The following GALK2 variants were observed in gnomAD, a reference collection of about 807,000 sequenced individuals.
GALK2 encodes the protein N-acetylgalactosamine kinase.
A neutral mutation model predicts 52.4 loss-of-function variants in GALK2; 36 were observed. The ratio of observed to expected loss-of-function variants is 0.69; its 90% CI spans 0.53 to 0.91. The LOEUF is 0.91. Ranked by LOEUF, GALK2 falls within the 40% of genes least tolerant of loss-of-function variation. The pLI is 0.00. For synonymous variants in GALK2, 176 were observed against 199.1 expected (o/e 0.88, Z 0.98); for missense variants, 579 against 559.1 (o/e 1.04, Z -0.36).
chr15:49,219,571 G>T (rs1275062930), intron 3 of GALK2, among the ~76,000 whole-genome samples: 1 of 152,186 alleles, frequency 6.6e-6, no homozygotes, highest in East Asian at 1.9e-4. Context: ...CATTTTGGGA[G>T]GCTGAGGTGG....
At chr15:49,156,924 ATTATG>A (rs996736328) in intron 1 of GALK2, 28 of 396,172 alleles carry the variant, frequency 7.1e-5, no homozygotes, top group African/African-American at 5.5e-4. Context: ...TGCATATTAA[ATTATG>A]TTAATTACCA....
At chr15:49,339,205 G>A (rs2040288214) in intron 3 of GALK2, among the ~76,000 whole-genome samples, 1 of 152,152 alleles carries the variant, frequency 6.6e-6, no homozygotes. Context: ...TAGCAGAGAA[G>A]AGGCATTCTG....
intron 1 of GALK2, among the ~76,000 whole-genome samples, chr15:49,158,183 T>C (rs1404500479): frequency 6.6e-6 from 1 of 152,136 alleles, no homozygotes; most frequent in East Asian, 1.9e-4. Context: ...ATATTGGGGT[T>C]ATCAGTGTGC....
chr15:49,227,526 G>C (rs1344674967), intron 3 of GALK2, among the ~76,000 whole-genome samples: 1 of 151,348 alleles, frequency 6.6e-6, no homozygotes, highest in Non-Finnish European at 1.5e-5. Flanking sequence ...GTTTTTTTCA[G>C]ATGAAAAGAG....
intron 8 of GALK2, among the ~76,000 whole-genome samples, chr15:49,295,461 G>A (rs867298706): frequency 1.3e-5 from 2 of 151,998 alleles, no homozygotes; most frequent in Middle Eastern, 3.2e-3. Context: ...ATTAGATTTG[G>A]GGGTTATTGT....
intron 7 of GALK2, among the ~76,000 whole-genome samples, chr15:49,285,865 T>G (rs986090453): frequency 1.3e-5 from 2 of 152,156 alleles, no homozygotes; most frequent in African/African-American, 2.4e-5. Context: ...CCTATTTCGT[T>G]GGAATAAAGT....
chr15:49,325,836 T>C (rs910234390), intron 9 of GALK2, among the ~76,000 whole-genome samples: 1 of 152,220 alleles, frequency 6.6e-6, no homozygotes, highest in African/African-American at 2.4e-5. Context: ...CAAATATCTT[T>C]ACCTACAAAG....
intron 3 of GALK2, among the ~76,000 whole-genome samples, chr15:49,231,482 A>G (rs759917840): frequency 3.3e-5 from 5 of 152,118 alleles, no homozygotes; most frequent in Non-Finnish European, 7.4e-5. Context: ...AGTCTCAGGT[A>G]CTCACATTCC....
intron 4 of GALK2, among the ~76,000 whole-genome samples, chr15:49,238,474 A>C (rs2090939068): frequency 6.6e-6 from 1 of 152,232 alleles, no homozygotes; most frequent in Non-Finnish European, 1.5e-5. Flanking sequence ...CCATATGGCT[A>C]AACTGTATCT....
intron 1 of GALK2, among the ~76,000 whole-genome samples, chr15:49,172,878 T>G (rs145099664): frequency 0.011 from 1,654 of 152,344 alleles, 28 homozygotes; most frequent in African/African-American, 0.038. Context: ...TGTTGGATTA[T>G]TGCTATTTTT....
intron 4 of GALK2, among the ~76,000 whole-genome samples, chr15:49,238,489 A>G (rs746925851): frequency 2.6e-5 from 4 of 152,194 alleles, no homozygotes; most frequent in Non-Finnish European, 5.9e-5. Flanking sequence ...GTATCTATAA[A>G]CTGTAGTAAG....
rs116236284 is a variant in GALK2, at chr15:49,366,210, T to G, written c.427-1281T>G. 6.5e-4 allele frequency: 512 copies of G among 793,558 alleles called. 4 individuals are homozygous for G. In the African/African-American group the frequency reaches 8.0e-3, roughly 12 times the overall value. 49.2% of individuals were successfully genotyped at this position (793,558 alleles called of 1,614,324 possible). On this transcript the variant is annotated intron_variant, in intron 3 of 3. Transcript: ENST00000558399. The stretch of plus-strand genomic sequence containing the variant: ...TTAGGCCACGATGGAGAACACATTT[T>G]CACAGTAATGTTATTTCCTAGAGTC...
intron 3 of GALK2, among the ~76,000 whole-genome samples, chr15:49,233,572 T>C (rs749432973): frequency 5.3e-5 from 8 of 152,200 alleles, no homozygotes; most frequent in Admixed American, 1.3e-4. Flanking sequence ...GTTTTTCTTT[T>C]CTTAGTGACT....
At chr15:49,333,605 A>C (rs1226153525), downstream of GALK2, among the ~76,000 whole-genome samples, 3 of 152,204 alleles carry the variant, frequency 2.0e-5, no homozygotes, top group African/African-American at 7.2e-5. Context: ...AAGATCCTAA[A>C]GTAGTGGGTT....
intron 5 of GALK2, among the ~76,000 whole-genome samples, chr15:49,265,844 A>T (rs1170966284): frequency 2.0e-5 from 3 of 152,234 alleles, no homozygotes; most frequent in African/African-American, 7.2e-5. Context: ...AGTTTTTAAG[A>T]TTCTTGCTAG....
intron 4 of GALK2, among the ~76,000 whole-genome samples, chr15:49,237,666 G>A (rs997214562): frequency 2.6e-5 from 4 of 151,692 alleles, no homozygotes; most frequent in African/African-American, 9.7e-5. Context: ...TAGTAGAGAC[G>A]GGGTTTCACT....
chr15:49,207,219 T>C (rs530375799), intron 2 of GALK2, among the ~76,000 whole-genome samples: 2 of 152,344 alleles, frequency 1.3e-5, no homozygotes, highest in East Asian at 1.9e-4. Flanking sequence ...CTTTTTGATA[T>C]ATTGTTGGAT....
intron 8 of GALK2, among the ~76,000 whole-genome samples, chr15:49,293,407 T>C (rs769624613): frequency 1.3e-5 from 2 of 152,252 alleles, no homozygotes; most frequent in African/African-American, 2.4e-5. Context: ...ATTGAGTCTT[T>C]AGAACCAGAA....
chr15:49,164,780 C>CAAAAAAAAAAAA (rs36107125), intron 1 of GALK2, among the ~76,000 whole-genome samples: 1 of 65,182 alleles, frequency 1.5e-5, no homozygotes, highest in Non-Finnish European at 2.9e-5. Flanking sequence ...AACTCCGTCT[C>CAAAAAAAAAAAA]AAAAAAAAAA....
Sources: gnomAD v4.1 joint callset for allele counts (sites outside exome capture counted in the v4.1 genomes callset) on GRCh38, gnomAD v4.1.1 for gene constraint, MANE v1.5 for transcripts, NCBI Gene and HGNC (gene_info 2026-07-23, HGNC 2026-07-21) for gene names.